The following KCNH7 variants were observed in gnomAD, a reference collection of about 807,000 sequenced individuals.
KCNH7 encodes potassium voltage-gated channel subfamily H member 7.
In KCNH7, 49 loss-of-function variants were observed where a neutral mutation model predicts 120.8. The observed-to-expected ratio is 0.41, with a 90% confidence interval of 0.32 to 0.51. The LOEUF (loss-of-function observed/expected upper bound fraction) is 0.51. Among genes scored for constraint, KCNH7 ranks in the 20% least tolerant of loss-of-function variants. The pLI is 0.38. For synonymous variants in KCNH7, 547 were observed against 516.1 expected (o/e 1.06, Z -0.81); for missense variants, 1,097 against 1,446.6 (o/e 0.76, Z 3.92).
At chr2:162,625,620 ATATCAATATAAGAGTC>A (rs1683525942) in intron 2 of KCNH7, among the ~76,000 whole-genome samples, 1 of 152,166 alleles carries the variant, frequency 6.6e-6, no homozygotes, top group Non-Finnish European at 1.5e-5. Context: ...ACAAAGAAAA[ATATCAATATAAGAGTC>A]TTCACAACTC....
chr2:162,523,741 A>G (rs144316579), intron 3 of KCNH7, among the ~76,000 whole-genome samples: 94 of 151,954 alleles, frequency 6.2e-4, no homozygotes, highest in African/African-American at 2.2e-3. Context: ...ATCTACTTTC[A>G]ATCATTGATT....
chr2:162,685,051 C>CA (rs1179919936), intron 2 of KCNH7, among the ~76,000 whole-genome samples: 27 of 152,052 alleles, frequency 1.8e-4, no homozygotes, highest in Admixed American at 1.8e-3. Context: ...TTTGCGGGGA[C>CA]ATGGATAAAG....
In KCNH7 at chr2:162,371,736, G is replaced by T; in HGVS notation, c.*93C>A. 8.4e-7 allele frequency: 1 copy of T among 1,192,960 alleles called. No homozygotes were observed. Among genetic ancestry groups the T allele is most frequent in the Non-Finnish European group, 1.2e-6 (1 of 853,822 alleles). 73.9% of individuals were successfully genotyped at this position (1,192,960 alleles called of 1,614,324 possible). On this transcript the variant is annotated 3_prime_UTR_variant, in exon 16 of 16. Transcript: ENST00000332142. ...TTTTGCATATAATGGTACCTTGTGAGCCCCTGAGTCAAGTAGAGAGGATTT... is the reference window on the plus strand; with the variant it reads ...TTTTGCATATAATGGTACCTTGTGATCCCCTGAGTCAAGTAGAGAGGATTT...
intron 2 of KCNH7, among the ~76,000 whole-genome samples, chr2:162,752,912 A>AGAAAG: frequency 2.1e-5 from 1 of 46,612 alleles, no homozygotes; most frequent in Admixed American, 2.3e-4. Flanking sequence ...GAAAAAGAAA[A>AGAAAG]GAAAAGAAAA....
chr2:162,740,074 T>G (rs970304179), intron 2 of KCNH7, among the ~76,000 whole-genome samples: 1 of 152,142 alleles, frequency 6.6e-6, no homozygotes, highest in Non-Finnish European at 1.5e-5. Flanking sequence ...TGGTTCTAGT[T>G]CCATGCCTGG....
At chr2:162,738,877 C>T (rs1688015717) in intron 2 of KCNH7, among the ~76,000 whole-genome samples, 1 of 152,186 alleles carries the variant, frequency 6.6e-6, no homozygotes, top group South Asian at 2.1e-4. Flanking sequence ...ATGCTAAACT[C>T]TGTTGCAGTT....
In KCNH7 at chr2:162,741,207, TTAA is replaced by T. The variant is rs1229204472; in HGVS notation, c.307+95327_307+95329del. Among the ~76,000 whole-genome samples the T allele has an allele frequency of 1.1e-4, 13 of 121,100 alleles. No homozygotes were observed. The East Asian group carries it at 3.7e-3, about 35-fold the overall frequency. 79.4% of individuals were successfully genotyped at this position (121,100 alleles called of 152,430 possible). A position where few individuals can be genotyped will look rare whatever the true frequency, so the allele number is the denominator to read the frequency against. On this transcript the variant is annotated intron_variant, in intron 2 of 15. Transcript: ENST00000332142. Reference sequence around the variant, plus strand: ...TAACATATGTTATTAATTATACATATTAATAACATGTTATTAGTTATACATATT... The same window carrying T: ...TAACATATGTTATTAATTATACATATTAACATGTTATTAGTTATACATATT...
At chr2:162,479,927 A>G (rs1689872941) in intron 6 of KCNH7, among the ~76,000 whole-genome samples, 1 of 152,172 alleles carries the variant, frequency 6.6e-6, no homozygotes, top group Non-Finnish European at 1.5e-5. Flanking sequence ...TTTAATTTCT[A>G]CTTCATGACA....
intron 2 of KCNH7, among the ~76,000 whole-genome samples, chr2:162,663,495 T>C (rs1685038567): frequency 6.6e-6 from 1 of 152,190 alleles, no homozygotes; most frequent in Non-Finnish European, 1.5e-5. Flanking sequence ...ATGATTCTGA[T>C]TATCACTAAA....
At chr2:162,517,471 C>A (rs187481335) in intron 4 of KCNH7, among the ~76,000 whole-genome samples, 1 of 151,884 alleles carries the variant, frequency 6.6e-6, no homozygotes, top group Admixed American at 6.6e-5. Flanking sequence ...TTAATTAACA[C>A]TCCATGTGGT....
At chr2:162,503,016 G>A (rs1308695524) in intron 6 of KCNH7, among the ~76,000 whole-genome samples, 1 of 152,074 alleles carries the variant, frequency 6.6e-6, no homozygotes, top group Non-Finnish European at 1.5e-5. Context: ...GGAAAGATTT[G>A]CAAGCATTCA....
intron 2 of KCNH7, among the ~76,000 whole-genome samples, chr2:162,623,236 T>C (rs1683426295): frequency 6.6e-6 from 1 of 152,140 alleles, no homozygotes; most frequent in Admixed American, 6.6e-5. Context: ...TAGAAGCAAA[T>C]ATTTGTCAGT....
rs374749523 is a variant in KCNH7, at chr2:162,687,507, A to G, written c.307+149030T>C. On this transcript the variant is annotated intron_variant, in intron 2 of 15. Coordinates refer to ENST00000332142, the MANE Select transcript of KCNH7 (RefSeq NM_033272.4). ...TGTATGCCTATGAATCTGTACAGTC[A>G]AAATTATTTAACAGGAAATATGGCC... Among the ~76,000 whole-genome samples the G allele has an allele frequency of 5.3e-5, 8 of 152,268 alleles. 1 individual carries two copies. In the East Asian group the frequency reaches 1.2e-3, roughly 22 times the overall value.
At chr2:162,431,755 C>A (rs1688077565) in intron 8 of KCNH7, among the ~76,000 whole-genome samples, 1 of 151,120 alleles carries the variant, frequency 6.6e-6, no homozygotes, top group African/African-American at 2.4e-5. Flanking sequence ...CTGCAGAAAA[C>A]ATGTATTATT....
chr2:162,669,833 C>T (rs1235138564), intron 2 of KCNH7, among the ~76,000 whole-genome samples: 1 of 152,164 alleles, frequency 6.6e-6, no homozygotes, highest in Non-Finnish European at 1.5e-5. Flanking sequence ...GGAGCGGTGG[C>T]TCACACCTGT....
At chr2:162,718,537 T>C (rs557872872) in intron 2 of KCNH7, among the ~76,000 whole-genome samples, 5 of 152,090 alleles carry the variant, frequency 3.3e-5, no homozygotes, top group Admixed American at 3.3e-4. Context: ...ACATTCTTCA[T>C]CAAAAATGTG....
intron 2 of KCNH7, among the ~76,000 whole-genome samples, chr2:162,699,733 T>A (rs556607223): frequency 6.6e-6 from 1 of 152,278 alleles, no homozygotes; most frequent in South Asian, 2.1e-4. Context: ...CTCTAATAAC[T>A]TAAAGGACAG....
At chr2:162,580,710 C>T (rs760387191) in intron 2 of KCNH7, among the ~76,000 whole-genome samples, 17 of 151,992 alleles carry the variant, frequency 1.1e-4, no homozygotes, top group Non-Finnish European at 2.1e-4. Context: ...ACAGATCAAA[C>T]AATCCCACCC....
At chr2:162,722,283 G>T (rs1252384426) in intron 2 of KCNH7, among the ~76,000 whole-genome samples, 2 of 151,938 alleles carry the variant, frequency 1.3e-5, no homozygotes, top group South Asian at 2.1e-4. Flanking sequence ...AATAACTAGA[G>T]AAATAAACAA....
Sources: allele counts gnomAD v4.1 joint callset (sites outside exome capture counted in the v4.1 genomes callset), GRCh38; gene constraint gnomAD v4.1.1; transcripts MANE v1.5; gene names NCBI Gene and HGNC (gene_info 2026-07-23, HGNC 2026-07-21).